The following ZNF689 variants were observed in gnomAD, a reference collection of about 807,000 sequenced individuals.
The protein encoded by ZNF689 is zinc finger protein 689, also known as short ORF-encoded histone-binding protein.
ZNF689 carries 14 observed loss-of-function variants against 37.2 expected under a neutral mutation model. That is an observed-to-expected ratio of 0.38 (90% CI 0.25 to 0.59). The LOEUF is 0.59. ZNF689 is among the 20% of genes least tolerant of loss of function. The pLI is 0.68. For synonymous variants in ZNF689, 277 were observed against 283.3 expected, an observed-to-expected ratio of 0.98 and a Z score of 0.22; for missense variants, 573 against 700.2, an observed-to-expected ratio of 0.82 and a Z score of 2.05.
At chr16:30,607,310 C>T (rs1302916614) in intron 2 of ZNF689, among the ~76,000 whole-genome samples, 2 of 149,594 alleles carry the variant, frequency 1.3e-5, no homozygotes, top group East Asian at 4.0e-4. Context: ...ACGTAAGTCC[C>T]AGCCAAGCGC....
rs765862960 is a variant in ZNF689 at position 30,604,123 on chromosome 16, C to A, written c.*141G>T. 1 of 907,980 alleles carries A rather than the reference C, an allele frequency of 1.1e-6. No homozygotes were observed. Among genetic ancestry groups the A allele is most frequent in the Admixed American group, 2.0e-5 (1 of 50,240 alleles). 56.2% of individuals were successfully genotyped at this position (907,980 alleles called of 1,614,324 possible). ...GACACGCACAGGGAGGCAGCCAGCG[C>A]ATTGCAAGATACAAAGTTCAGCTCT... is the stretch of plus-strand genomic sequence containing the variant. On this transcript the variant is annotated 3_prime_UTR_variant, in exon 3 of 3. Transcript: ENST00000287461. This position sits in a 1 kb window ranked among gnomAD's most constrained non-coding sequence, Gnocchi z 5.2.
In ZNF689 at chr16:30,604,687, C is replaced by A. The variant is rs150626260; in HGVS notation, c.1080G>T (p.Leu360=). 6.2e-7 allele frequency: 1 copy of A among 1,609,196 alleles called. No homozygotes were observed. The highest frequency in any genetic ancestry group is 1.1e-5 in the South Asian group (1 of 90,882). Residue 360 remains leucine (L), a synonymous_variant, in exon 3 of 3, where the codon CTG becomes CTT. Transcript: ENST00000287461. The surrounding 1 kb of genome is among the most constrained non-coding windows in gnomAD (Gnocchi z 5.2). ...CGGTGTGCAAGAGCTGGTGCTGGAG[C>A]AGCGTGCTGCGCTGGGAGAAGCGGG... The part of the protein sequence containing the change: ...CEARFSQRST[L]LQHQLLHTGE...
rs770332618 is a variant in ZNF689, at chr16:30,604,386, C to A, written c.1381G>T (p.Glu461Ter). 1 of 1,613,808 alleles carries A rather than the reference C, an allele frequency of 6.2e-7. No homozygotes were observed. Among genetic ancestry groups the A allele is most frequent in the South Asian group, 1.1e-5 (1 of 91,054 alleles). The change falls in exon 3 of 3, where the codon GAG becomes TAG. Residue 461 changes from glutamate to a stop codon, truncating the protein, a stop_gained. Transcript: ENST00000287461. LOFTEE classifies it high-confidence loss of function. This position sits in a 1 kb window ranked among gnomAD's most constrained non-coding sequence, Gnocchi z 5.2. ...HTGEKPFPCL[E>*]CGRCFRQRWS... ...CTCTGGCGGAAGCACCGGCCACACT[C>A]GAGGCAGGGGAAAGGCTTCTCCCCC...
Position 30,610,131 on chromosome 16 carries a change from G to A in ZNF689, c.-90C>T, listed in dbSNP as rs551863286. On this transcript the variant is annotated 5_prime_UTR_variant, in exon 1 of 3. Transcript: ENST00000287461. ...CCCTGGGATCGAGGAGCCCCTGCCG[G>A]ACCAGGGCTGAGCGTGGCCGGGGAG... is the stretch of plus-strand genomic sequence containing the variant. 5 of 1,432,864 alleles carry A rather than the reference G, an allele frequency of 3.5e-6. No homozygotes were observed. Among genetic ancestry groups the A allele is most frequent in the African/African-American group, 2.9e-5 (2 of 69,936 alleles). The allele number at this position is 1,432,864 out of a possible 1,614,324, so 88.8% of individuals were successfully genotyped here. A position where few individuals can be genotyped will look rare whatever the true frequency, so the allele number is the denominator to read the frequency against.
In ZNF689 at chr16:30,602,981, T is replaced by C. The variant is rs1330764154; in HGVS notation, c.*1283A>G. 1 of 152,288 alleles carries C rather than the reference T, an allele frequency of 6.6e-6. No individual in the cohort carries two copies. The highest frequency in any genetic ancestry group is 2.4e-5 in the African/African-American group (1 of 41,476). The allele number at this position is 152,288 out of a possible 1,614,324, so 9.4% of individuals were successfully genotyped here. On this transcript the variant is annotated 3_prime_UTR_variant, in exon 3 of 3. Transcript: ENST00000287461. ...GGAGGCTGGCATGGATACAACTTGA[T>C]GACTATAGACTCTTCCTCTCTGGAT...
intron 2 of ZNF689, among the ~76,000 whole-genome samples, chr16:30,608,794 C>G (rs1026141682): frequency 1.3e-5 from 2 of 152,210 alleles, no homozygotes; most frequent in African/African-American, 4.8e-5. Context: ...ATATCATGGT[C>G]AGATCTGAAT....
Position 30,605,005 on chromosome 16 carries a change from T to C in ZNF689, c.762A>G (p.Thr254=). 1 of 1,604,800 alleles carries C rather than the reference T, an allele frequency of 6.2e-7. No homozygotes were observed. Among genetic ancestry groups the C allele is most frequent in the Non-Finnish European group, 8.5e-7 (1 of 1,174,392 alleles). ...ACTGGTGGGGTTTTTCACCTGTGTG[T>C]GTGGTCCGGTGATTGGCCAAGGACC... The part of the protein sequence containing the change: ...RSRSLANHRT[T]HTGEKPHQCP... Residue 254 remains threonine, a synonymous_variant, in exon 3 of 3, where the codon ACA becomes ACG. Coordinates refer to ENST00000287461, the MANE Select transcript of ZNF689 (RefSeq NM_138447.3). The surrounding 1 kb of genome is among the most constrained non-coding windows in gnomAD (Gnocchi z 5.1).
Position 30,603,938 on chromosome 16 carries a change from A to T in ZNF689, c.*326T>A. ...TGAGATTCTCCTGATTGCATGCAAG[A>T]TGACAGGTAATCCCTGTGTGGACAG... On this transcript the variant is annotated 3_prime_UTR_variant, in exon 3 of 3. Transcript: ENST00000287461. 1 of 449,832 alleles carries T rather than the reference A, an allele frequency of 2.2e-6. No homozygotes were observed. Among genetic ancestry groups the T allele is most frequent in the South Asian group, 1.9e-5 (1 of 53,008 alleles). 27.9% of individuals were successfully genotyped at this position (449,832 alleles called of 1,614,324 possible). A position where few individuals can be genotyped will look rare whatever the true frequency, so the allele number is the denominator to read the frequency against.
Position 30,603,900 on chromosome 16 carries a change from G to A in ZNF689, c.*364C>T, listed in dbSNP as rs79663100. On this transcript the variant is annotated 3_prime_UTR_variant, in exon 3 of 3. Transcript: ENST00000287461. Reference sequence around the variant, plus strand: ...TGGAGGAAGAGGCAGAGTAGGGGAAGGTCCTGCCCCTATGAGATTCTCCTG... The same window carrying A: ...TGGAGGAAGAGGCAGAGTAGGGGAAAGTCCTGCCCCTATGAGATTCTCCTG... 2,632 of 377,828 alleles carry A rather than the reference G, an allele frequency of 7.0e-3. 53 individuals are homozygous for A. The highest frequency in any genetic ancestry group is 0.048 in the African/African-American group (2,314 of 47,818). The allele number at this position is 377,828 out of a possible 1,614,324, so 23.4% of individuals were successfully genotyped here.
chr16:30,606,693 G>A (rs1005847827), intron 2 of ZNF689, among the ~76,000 whole-genome samples: 2 of 151,680 alleles, frequency 1.3e-5, no homozygotes, highest in Non-Finnish European at 2.9e-5. Context: ...GTAGAGTCAG[G>A]GTTTCACCAT....
chr16:30,604,296 C>T lies in ZNF689; in HGVS notation c.1471G>A (p.Gly491Arg), dbSNP rs755023012. Residue 491 changes from glycine to arginine, a missense_variant, in exon 3 of 3, where the codon GGG (glycine) becomes AGG (arginine). This residue lies in a region of ZNF689 where 317 missense variants were observed against 367.1 expected (regional missense o/e 0.86). Coordinates refer to ENST00000287461, the MANE Select transcript of ZNF689 (RefSeq NM_138447.3). This position sits in a 1 kb window ranked among gnomAD's most constrained non-coding sequence, Gnocchi z 5.2. ...APNCSPRSAI[G>R]GSSQRGNAH The stretch of plus-strand genomic sequence containing the variant: ...GCGTTGCCCCTCTGACTGGAGCCCC[C>T]GATAGCAGATCTAGGGCTACAGTTT... The T allele has an allele frequency of 1.1e-5, 18 of 1,613,986 alleles. No individual in the cohort carries two copies. In the South Asian group the frequency reaches 1.3e-4, roughly 12 times the overall value.
In ZNF689 at chr16:30,610,366, C is replaced by T. The variant is rs2052085716; in HGVS notation, c.-325G>A. ...CGGAGCGCCATGCCGGCTTCCTAAC[C>T]TCTTTGCCCTCAAGTGTAATGGCGC... On this transcript the variant is annotated 5_prime_UTR_variant, in exon 1 of 3. Coordinates refer to ENST00000287461, the MANE Select transcript of ZNF689 (RefSeq NM_138447.3). 1 of 339,610 alleles carries T rather than the reference C, an allele frequency of 2.9e-6. No homozygotes were observed. Among genetic ancestry groups the T allele is most frequent in the Non-Finnish European group, 5.4e-6 (1 of 184,630 alleles). 21.0% of individuals were successfully genotyped at this position (339,610 alleles called of 1,614,324 possible).
chr16:30,602,800 TGA>T lies in ZNF689; in HGVS notation c.*1462_*1463del, dbSNP rs912755763. 2 of 152,188 alleles carry T rather than the reference TGA, an allele frequency of 1.3e-5. No individual in the cohort carries two copies. The highest frequency in any genetic ancestry group is 2.4e-5 in the African/African-American group (1 of 41,426). The allele number at this position is 152,188 out of a possible 1,614,324, so 9.4% of individuals were successfully genotyped here. A position where few individuals can be genotyped will look rare whatever the true frequency, so the allele number is the denominator to read the frequency against. On this transcript the variant is annotated 3_prime_UTR_variant, in exon 3 of 3. Coordinates refer to ENST00000287461, the MANE Select transcript of ZNF689 (RefSeq NM_138447.3). ...CCACTCCAGCTGTTGGAATATGAGA[TGA>T]GTCACATCTGGAAATTCTAATTTGG...
In ZNF689 at chr16:30,604,752, G is replaced by C. The variant is rs1241400969; in HGVS notation, c.1015C>G (p.His339Asp). The C allele has an allele frequency of 6.2e-7, 1 of 1,607,244 alleles. No homozygotes were observed. Among genetic ancestry groups the C allele is most frequent in the Non-Finnish European group, 8.5e-7 (1 of 1,177,568 alleles). Residue 339 changes from histidine (H) to aspartate (D), a missense_variant, in exon 3 of 3, where the codon CAC becomes GAC. Around this residue, in one of 3 missense-constraint regions of ZNF689, gnomAD observed 317 missense variants for 367.1 expected, o/e 0.86. Coordinates refer to ENST00000287461, the MANE Select transcript of ZNF689 (RefSeq NM_138447.3). This position sits in a 1 kb window ranked among gnomAD's most constrained non-coding sequence, Gnocchi z 5.2. ...CAGGCATAGGGACGCTCCCCAGAGTGCACACGCCGGTGACTGACCAGGCGA... is the reference window on the plus strand; with the variant it reads ...CAGGCATAGGGACGCTCCCCAGAGTCCACACGCCGGTGACTGACCAGGCGA... ...SSRLVSHRRV[H>D]SGERPYACEH...
At chr16:30,608,597 G>T (rs891999701) in intron 2 of ZNF689, 7 of 152,098 alleles carry the variant, frequency 4.6e-5, no homozygotes, top group Non-Finnish European at 8.8e-5. Context: ...AAACCTAGAT[G>T]CACATCTGAA....
rs762325138 is a variant in ZNF689, at chr16:30,604,284, G to T, written c.1483C>A (p.Gln495Lys). The change falls in exon 3 of 3, where the codon CAG (glutamine) becomes AAG (lysine). Residue 495 changes from glutamine to lysine, a missense_variant. Physicochemically the swap from Gln to Lys is moderately conservative, Grantham distance 53 (BLOSUM62 1). Coordinates refer to ENST00000287461, the MANE Select transcript of ZNF689 (RefSeq NM_138447.3). This position sits in a 1 kb window ranked among gnomAD's most constrained non-coding sequence, Gnocchi z 5.2. The stretch of plus-strand genomic sequence containing the variant: ...CCCTTCTAATGGGCGTTGCCCCTCT[G>T]ACTGGAGCCCCCGATAGCAGATCTA... ...SPRSAIGGSSQRGNAH is the reference protein window; with the variant it reads ...SPRSAIGGSSKRGNAH The T allele has an allele frequency of 6.2e-7, 1 of 1,613,994 alleles. No individual in the cohort carries two copies.
rs2151243537 is a variant in ZNF689, at chr16:30,604,045, A to G, written c.*219T>C. 1.4e-6 allele frequency: 1 copy of G among 699,098 alleles called. No homozygotes were observed. Among genetic ancestry groups the G allele is most frequent in the Non-Finnish European group, 2.6e-6 (1 of 384,598 alleles). 43.3% of individuals were successfully genotyped at this position (699,098 alleles called of 1,614,324 possible). On this transcript the variant is annotated 3_prime_UTR_variant, in exon 3 of 3. Transcript: ENST00000287461. The surrounding 1 kb of genome is among the most constrained non-coding windows in gnomAD (Gnocchi z 5.2). ...CACACAAACTATTTTAGGATAGGGT[A>G]GCTTGGAAAACTTTAAGCAAATGAC...
rs767688825 is a variant in ZNF689 at position 30,609,575 on chromosome 16, G to C, written c.269C>G (p.Pro90Arg). 6.2e-7 allele frequency: 1 copy of C among 1,614,064 alleles called. No individual in the cohort carries two copies. ...WLERNTDDWE[P>R]AALDPQEYPR... ...GTACTCCTGCGGATCTAGAGCAGCC[G>C]GTTCCCAGTCATCGGTGTTTCGTTC... The change falls in exon 2 of 3, where the codon CCG (proline) becomes CGG (arginine). Residue 90 changes from proline to arginine, a missense_variant. Transcript: ENST00000287461.
chr16:30,609,803 C>T (rs1201287653), intron 1 of ZNF689, 34 bp downstream of exon 1: 1 of 1,578,376 alleles, frequency 6.3e-7, no homozygotes, highest in Non-Finnish European at 8.6e-7. Flanking sequence ...TGCATCCCTT[C>T]GCGCCCCGCG....
Sources: allele counts gnomAD v4.1 joint callset (sites outside exome capture counted in the v4.1 genomes callset), GRCh38; gene constraint gnomAD v4.1.1; regional missense constraint gnomAD v4.1.1; non-coding constraint Gnocchi (gnomAD v3.1); transcripts MANE v1.5; gene names NCBI Gene and HGNC (gene_info 2026-07-23, HGNC 2026-07-21).